ABLIM2: variants seen among roughly 807,000 people sequenced by gnomAD.
The protein encoded by ABLIM2 is actin-binding LIM protein 2.
A neutral mutation model predicts 97.7 loss-of-function variants in ABLIM2; 53 were observed. The observed-to-expected ratio is 0.54, with a 90% CI of 0.44 to 0.68. ABLIM2 has a LOEUF of 0.68. Ranked by LOEUF, ABLIM2 falls within the 30% of genes least tolerant of loss-of-function variation. The pLI, the probability that ABLIM2 is intolerant of heterozygous loss-of-function variation, is 0.00. For synonymous variants in ABLIM2, 361 were observed against 345.8 expected (o/e 1.04, Z -0.49); for missense variants, 835 against 867.2 (o/e 0.96, Z 0.47).
chr4:8,116,329 C>G (rs1032661394), intron 1 of ABLIM2, among the ~76,000 whole-genome samples: 5 of 152,222 alleles, frequency 3.3e-5, no homozygotes, highest in African/African-American at 1.2e-4. Flanking sequence ...TGCATGCCCC[C>G]CAAGGGCAGG....
At position 8,004,138 on chromosome 4, in the gene ABLIM2, C is replaced by A. The variant is rs1171026294; in HGVS notation, c.1618+3921G>T. Among the ~76,000 whole-genome samples the A allele has an allele frequency of 1.4e-5, 2 of 143,562 alleles. No homozygotes were observed. Among genetic ancestry groups the A allele is most frequent in the African/African-American group, 2.7e-5 (1 of 36,760 alleles). 94.2% of individuals were successfully genotyped at this position (143,562 alleles called of 152,430 possible). On this transcript the variant is annotated intron_variant, in intron 16 of 20. Transcript: ENST00000447017. This position sits in a 1 kb window ranked among gnomAD's most constrained non-coding sequence, Gnocchi z 5.9. ...CTTCCCTTCCACAGAAAAGCTGCAG[C>A]AGGGTCGCTGTCTCCTAACCCTCCC... is the stretch of plus-strand genomic sequence containing the variant.
In ABLIM2 at chr4:7,973,768, G is replaced by A. The variant is rs959755238; in HGVS notation, c.1825-6665C>T. Among the ~76,000 whole-genome samples the A allele has an allele frequency of 3.9e-5, 6 of 152,344 alleles. No individual in the cohort carries two copies. In the South Asian group the frequency reaches 8.3e-4, roughly 21 times the overall value. On this transcript the variant is annotated intron_variant, in intron 20 of 20. Transcript: ENST00000447017. Reference sequence around the variant, plus strand: ...GAGCCATGGACCGGGAGGGCCTCAGGCCAGACAACAAGTCCCTTTCCACCC... The same window carrying A: ...GAGCCATGGACCGGGAGGGCCTCAGACCAGACAACAAGTCCCTTTCCACCC...
chr4:8,050,793 G>A (rs1795516845), intron 8 of ABLIM2, among the ~76,000 whole-genome samples: 1 of 152,224 alleles, frequency 6.6e-6, no homozygotes, highest in Admixed American at 6.5e-5. Flanking sequence ...ATTAGGCCGG[G>A]AGCCACGCCA....
intron 10 of ABLIM2, 49 bp from the exon 11 acceptor site, chr4:8,029,825 C>A (rs1461557812): frequency 6.5e-7 from 1 of 1,540,660 alleles, no homozygotes; most frequent in East Asian, 2.4e-5. Flanking sequence ...GAGCACTTCC[C>A]ACCCCTTGTC....
chr4:8,119,981 C>A (rs1844564574), intron 1 of ABLIM2, among the ~76,000 whole-genome samples: 1 of 152,184 alleles, frequency 6.6e-6, no homozygotes, highest in Non-Finnish European at 1.5e-5. Context: ...CATGAAATCC[C>A]TGTGATTTCC....
At chr4:8,045,339 C>T in intron 8 of ABLIM2, 98 bp from the exon 9 acceptor site, 1 of 1,112,572 alleles carries the variant, frequency 9.0e-7, no homozygotes, top group South Asian at 1.2e-5. Context: ...CACGCCAGCG[C>T]ACTGCGGTGT....
chr4:8,041,985 A>G (rs1232272368), intron 9 of ABLIM2, among the ~76,000 whole-genome samples: 2 of 152,212 alleles, frequency 1.3e-5, no homozygotes, highest in Non-Finnish European at 2.9e-5. Flanking sequence ...AGCAGCAACA[A>G]CAGCAACAGC....
In ABLIM2 at chr4:8,033,760, C is replaced by T. The variant is rs145946237; in HGVS notation, c.1047+2389G>A. 3.0e-3 allele frequency among the ~76,000 whole-genome samples: 452 copies of T among 152,348 alleles called. 3 individuals are homozygous for T. The highest frequency in any genetic ancestry group is 8.9e-3 in the South Asian group (43 of 4,824). ...CACAGATGTCCTGCCATTTGAGAGG[C>T]GCAGCCCCAGAGAGGCTGAAAGAAA... is the stretch of plus-strand genomic sequence containing the variant. On this transcript the variant is annotated intron_variant, in intron 10 of 20. Coordinates refer to ENST00000447017, the MANE Select transcript of ABLIM2 (RefSeq NM_001130083.2). This position sits in a 1 kb window ranked among gnomAD's most constrained non-coding sequence, Gnocchi z 4.5.
At chr4:7,967,961 G>C (rs1254106592) in intron 20 of ABLIM2, among the ~76,000 whole-genome samples, 1 of 152,234 alleles carries the variant, frequency 6.6e-6, no homozygotes, top group East Asian at 1.9e-4. Context: ...CTGCCTTCTA[G>C]CTCTGCCTTG....
At chr4:7,989,177 G>GT (rs1436965039) in intron 17 of ABLIM2, among the ~76,000 whole-genome samples, 1 of 148,782 alleles carries the variant, frequency 6.7e-6, no homozygotes, top group Non-Finnish European at 1.5e-5. Flanking sequence ...TGCCTCCCAG[G>GT]TTCAAGCATT....
chr4:8,157,351 T>C (rs1715695752), intron 1 of ABLIM2, among the ~76,000 whole-genome samples: 1 of 152,234 alleles, frequency 6.6e-6, no homozygotes, highest in African/African-American at 2.4e-5. Flanking sequence ...ATTAGATAAA[T>C]GTGTCTGGAG....
chr4:8,045,139 T>C (rs775610786), intron 9 of ABLIM2, 25 bp downstream of exon 9: 1 of 1,606,640 alleles, frequency 6.2e-7, no homozygotes, highest in East Asian at 2.2e-5. Flanking sequence ...CCCACCGCCG[T>C]CCCCATAAAA....
At position 8,056,112 on chromosome 4, in the gene ABLIM2, C is replaced by CAAAA. The variant is rs60992903; in HGVS notation, c.764-1870_764-1867dup. On this transcript the variant is annotated intron_variant, in intron 7 of 20. Transcript: ENST00000447017. ...TGGGTAACAGAGCAAGACTCTGTCT[C>CAAAA]AAAAAAAAAAAAAAAAAAAAAAAAA... Among the ~76,000 whole-genome samples, 39 of 68,358 alleles carry CAAAA rather than the reference C, an allele frequency of 5.7e-4. 3 individuals carry two copies. Among genetic ancestry groups the CAAAA allele is most frequent in the Middle Eastern group, 6.8e-3 (1 of 148 alleles). The allele number at this position is 68,358 out of a possible 152,430, so 44.8% of individuals were successfully genotyped here.
At position 8,058,627 on chromosome 4, in the gene ABLIM2, C is replaced by T. The variant is rs111923987; in HGVS notation, c.763+2340G>A. 4.6e-5 allele frequency among the ~76,000 whole-genome samples: 7 copies of T among 152,198 alleles called. No individual in the cohort carries two copies. The highest frequency in any genetic ancestry group is 1.7e-4 in the African/African-American group (7 of 41,456). On this transcript the variant is annotated intron_variant, in intron 7 of 20. Coordinates refer to ENST00000447017, the MANE Select transcript of ABLIM2 (RefSeq NM_001130083.2). The surrounding 1 kb of genome is among the most constrained non-coding windows in gnomAD (Gnocchi z 4.2). ...CATCATCAAGTCTGGGGGCTGCACT[C>T]CAGCACATGGCCCCTGTCCCACCAG...
In ABLIM2 at chr4:7,996,060, C is replaced by T. The variant is rs1753105688; in HGVS notation, c.1619-3133G>A. The stretch of plus-strand genomic sequence containing the variant: ...TCCTTCATGCCCAGAGCCAGGCATG[C>T]TCTGGGAGCCCGAGGGCCCCTCCAG... On this transcript the variant is annotated intron_variant, in intron 16 of 20. Transcript: ENST00000447017. This position sits in a 1 kb window ranked among gnomAD's most constrained non-coding sequence, Gnocchi z 4.5. 1.3e-5 allele frequency among the ~76,000 whole-genome samples: 2 copies of T among 152,314 alleles called. No individual in the cohort carries two copies. Among genetic ancestry groups the T allele is most frequent in the South Asian group, 2.1e-4 (1 of 4,830 alleles).
rs1453815167 is a variant in ABLIM2 at position 8,128,397 on chromosome 4, G to A, written c.11-21760C>T. The stretch of plus-strand genomic sequence containing the variant: ...ATCAGAGTCCAGCACCCCGTCATAG[G>A]ATGCGTTGCACCTGCACACCCAGTA... On this transcript the variant is annotated intron_variant, in intron 1 of 20. Transcript: ENST00000447017. This position sits in a 1 kb window ranked among gnomAD's most constrained non-coding sequence, Gnocchi z 4.9. 6.6e-6 allele frequency among the ~76,000 whole-genome samples: 1 copy of A among 152,172 alleles called. No homozygotes were observed. Among genetic ancestry groups the A allele is most frequent in the Non-Finnish European group, 1.5e-5 (1 of 68,028 alleles).
intron 4 of ABLIM2, among the ~76,000 whole-genome samples, chr4:8,084,763 T>C (rs565652941): frequency 1.3e-5 from 2 of 152,246 alleles, no homozygotes; most frequent in East Asian, 3.9e-4. Flanking sequence ...TTTTCCCAAT[T>C]GCCAGCCTGC....
Position 8,068,637 on chromosome 4 carries a change from C to A in ABLIM2, c.676-7583G>T, listed in dbSNP as rs1042565132. Among the ~76,000 whole-genome samples the A allele has an allele frequency of 7.2e-5, 11 of 152,186 alleles. No homozygotes were observed. Among genetic ancestry groups the A allele is most frequent in the African/African-American group, 2.7e-4 (11 of 41,436 alleles). Reference sequence around the variant, plus strand: ...CCTCCCTGAATCCAACCACGGAATCCGGGTGCAAAGGCCTCCTCTGCCCAC... The same window carrying A: ...CCTCCCTGAATCCAACCACGGAATCAGGGTGCAAAGGCCTCCTCTGCCCAC... On this transcript the variant is annotated intron_variant, in intron 6 of 20. Coordinates refer to ENST00000447017, the MANE Select transcript of ABLIM2 (RefSeq NM_001130083.2). This position sits in a 1 kb window ranked among gnomAD's most constrained non-coding sequence, Gnocchi z 4.5.
At chr4:8,142,255 C>A (rs1440320832) in intron 1 of ABLIM2, among the ~76,000 whole-genome samples, 1 of 152,168 alleles carries the variant, frequency 6.6e-6, no homozygotes, top group Non-Finnish European at 1.5e-5. Flanking sequence ...TGGCACTGAC[C>A]CCCACTGCTG....
Sources: allele counts gnomAD v4.1 joint callset (sites outside exome capture counted in the v4.1 genomes callset), GRCh38; gene constraint gnomAD v4.1.1; non-coding constraint Gnocchi (gnomAD v3.1); transcripts MANE v1.5; gene names NCBI Gene and HGNC (gene_info 2026-07-23, HGNC 2026-07-21).